Variants in FSTL4 observed in about 807,000 individuals in gnomAD.
The protein encoded by FSTL4 is follistatin-related protein 4.
FSTL4 carries 28 observed loss-of-function variants against 78.2 expected under a neutral mutation model. That is an observed-to-expected ratio of 0.36 (90% CI 0.27 to 0.49). FSTL4 has a LOEUF of 0.49. FSTL4 is among the 20% of genes least tolerant of loss of function. The pLI is 0.98. For synonymous variants in FSTL4, 422 were observed against 440.5 expected (o/e 0.96, Z 0.53); for missense variants, 922 against 1,084.9 (o/e 0.85, Z 2.11).
chr5:133,643,944 T>C, the FSTL4 span, among the ~76,000 whole-genome samples: 9,904 of 147,852 alleles, frequency 0.067, 427 homozygotes, highest in South Asian at 0.11. Context: ...ACTGTTCTTA[T>C]GTTAGTGCTT....
upstream of FSTL4, among the ~76,000 whole-genome samples, chr5:133,616,394 C>CT (rs1257972268): frequency 6.6e-6 from 1 of 151,724 alleles, no homozygotes. Flanking sequence ...AGCTTCCATT[C>CT]TTTCTTTTCC....
chr5:133,648,871 C>T, the FSTL4 span, among the ~76,000 whole-genome samples: 1 of 152,152 alleles, frequency 6.6e-6, no homozygotes, highest in Admixed American at 6.5e-5. Flanking sequence ...TTGACTCATC[C>T]TCATGTATGT....
chr5:133,425,926 C>T (rs1250429791), intron 3 of FSTL4, among the ~76,000 whole-genome samples: 1 of 152,292 alleles, frequency 6.6e-6, no homozygotes, highest in African/African-American at 2.4e-5. Context: ...AAAGAGCCTG[C>T]ATTTGAAGTT....
At chr5:133,754,928 G>A in the FSTL4 span, among the ~76,000 whole-genome samples, 3 of 151,932 alleles carry the variant, frequency 2.0e-5, no homozygotes, top group South Asian at 2.1e-4. Flanking sequence ...GGGTTCCTTC[G>A]TGTACATTAT....
chr5:133,203,893 G>A (rs1308830717), intron 14 of FSTL4, among the ~76,000 whole-genome samples: 1 of 152,212 alleles, frequency 6.6e-6, no homozygotes, highest in East Asian at 1.9e-4. Flanking sequence ...GGGCATGTCA[G>A]CCTCGTTTCT....
chr5:133,552,661 AC>A (rs1293741661), intron 3 of FSTL4, among the ~76,000 whole-genome samples: 2 of 152,314 alleles, frequency 1.3e-5, no homozygotes, highest in African/African-American at 4.8e-5. Flanking sequence ...CCCACGAGCC[AC>A]CAGTTTGAGA....
At chr5:133,240,021 A>G (rs1281212249) in intron 7 of FSTL4, among the ~76,000 whole-genome samples, 1 of 152,180 alleles carries the variant, frequency 6.6e-6, no homozygotes, top group Non-Finnish European at 1.5e-5. Context: ...CACGCAGTGG[A>G]AGCTTTGTTC....
chr5:133,620,600 A>C, the FSTL4 span, among the ~76,000 whole-genome samples: 2 of 152,164 alleles, frequency 1.3e-5, no homozygotes, highest in Non-Finnish European at 2.9e-5. Flanking sequence ...ACAAATCAAA[A>C]TATATGACTA....
At chr5:133,416,463 C>T (rs1408322973) in intron 3 of FSTL4, among the ~76,000 whole-genome samples, 3 of 152,046 alleles carry the variant, frequency 2.0e-5, no homozygotes, top group African/African-American at 4.8e-5. Context: ...TTAATATTAG[C>T]GGGTGAAAGA....
intron 3 of FSTL4, among the ~76,000 whole-genome samples, chr5:133,485,904 A>G (rs31325): frequency 0.3 from 45,170 of 152,158 alleles, 9,782 homozygotes; most frequent in African/African-American, 0.62. Flanking sequence ...TCTTCCAGAA[A>G]ACAAACTCTC....
chr5:133,556,502 G>A (rs1395454315), intron 3 of FSTL4, among the ~76,000 whole-genome samples: 1 of 152,170 alleles, frequency 6.6e-6, no homozygotes, highest in Admixed American at 6.5e-5. Context: ...GAGGCAGGTG[G>A]ATCACCAGAG....
the FSTL4 span, among the ~76,000 whole-genome samples, chr5:133,759,724 TATTTTAG>T: frequency 4.6e-5 from 7 of 152,204 alleles, no homozygotes; most frequent in African/African-American, 1.4e-4. Context: ...TGCCGTGGGA[TATTTTAG>T]ATTTTTGAAG....
chr5:133,510,894 A>C (rs1442279119), intron 3 of FSTL4, among the ~76,000 whole-genome samples: 1 of 151,872 alleles, frequency 6.6e-6, no homozygotes, highest in Admixed American at 6.6e-5. Flanking sequence ...CATCTGTGAG[A>C]TGGGGACATG....
chr5:133,405,295 G>GT (rs1160372387), intron 3 of FSTL4, among the ~76,000 whole-genome samples: 1 of 152,178 alleles, frequency 6.6e-6, no homozygotes, highest in Non-Finnish European at 1.5e-5. Context: ...AGAGCAAGGC[G>GT]TGAATGCAGA....
intron 6 of FSTL4, among the ~76,000 whole-genome samples, chr5:133,285,824 C>G (rs1753114749): frequency 6.6e-6 from 1 of 152,256 alleles, no homozygotes; most frequent in Admixed American, 6.5e-5. Flanking sequence ...TTCCATAAAC[C>G]TCAGGATGGG....
chr5:133,831,484 C>A, the FSTL4 span, among the ~76,000 whole-genome samples: 1 of 152,168 alleles, frequency 6.6e-6, no homozygotes, highest in African/African-American at 2.4e-5. Flanking sequence ...ATACTTCTGG[C>A]TAATGGCGTT....
At chr5:133,661,094 G>T in the FSTL4 span, among the ~76,000 whole-genome samples, 1 of 152,204 alleles carries the variant, frequency 6.6e-6, no homozygotes, top group Non-Finnish European at 1.5e-5. Context: ...GGGTTCAAGC[G>T]ATTCTCCTGC....
At chr5:133,713,234 T>C in the FSTL4 span, among the ~76,000 whole-genome samples, 7 of 152,332 alleles carry the variant, frequency 4.6e-5, no homozygotes, top group East Asian at 9.6e-4. Context: ...TATGTGATAA[T>C]TGCAACTCTG....
In FSTL4 at chr5:133,236,410, A is replaced by T. The variant is rs1259084432; in HGVS notation, c.895-2873T>A. ...CTTACACGTCACCTTGTATGTATTT[A>T]ATCCTCAGGAAAAAAAAAACCCTGA... On this transcript the variant is annotated intron_variant, in intron 7 of 15. Coordinates refer to ENST00000265342, the MANE Select transcript of FSTL4 (RefSeq NM_015082.2). This position sits in a 1 kb window ranked among gnomAD's most constrained non-coding sequence, Gnocchi z 5.0. Among the ~76,000 whole-genome samples, 2 of 148,212 alleles carry T rather than the reference A, an allele frequency of 1.3e-5. No individual in the cohort carries two copies. Among genetic ancestry groups the T allele is most frequent in the Non-Finnish European group, 2.9e-5 (2 of 67,966 alleles).
Sources: gnomAD v4.1 joint callset for allele counts (sites outside exome capture counted in the v4.1 genomes callset) on GRCh38, gnomAD v4.1.1 for gene constraint, Gnocchi (gnomAD v3.1) non-coding constraint, MANE v1.5 for transcripts, NCBI Gene and HGNC (gene_info 2026-07-23, HGNC 2026-07-21) for gene names.